Variants in MSANTD2 observed in about 807,000 individuals in gnomAD.
MSANTD2 encodes the protein Myb/SANT DNA binding domain containing 2, also known as myb/SANT-like DNA-binding domain-containing protein 2.
In MSANTD2, 19 loss-of-function variants were observed where a neutral mutation model predicts 52.6. The ratio of observed to expected loss-of-function variants is 0.36; its 90% confidence interval spans 0.25 to 0.53. MSANTD2 has a LOEUF of 0.53. MSANTD2 is among the 20% of genes least tolerant of loss of function. MSANTD2 has a pLI of 0.91. For missense variants in MSANTD2, 558 were observed against 716.3 expected, an observed-to-expected ratio of 0.78 and a Z score of 2.52; for synonymous variants, 291 against 289.7, an observed-to-expected ratio of 1.00 and a Z score of -0.04.
intron 1 of MSANTD2, among the ~76,000 whole-genome samples, chr11:124,785,596 TG>T (rs889507539): frequency 2.6e-5 from 4 of 151,850 alleles, no homozygotes; most frequent in African/African-American, 4.8e-5. Context: ...CACCAGAGAG[TG>T]GGGGGCCCTC....
At chr11:124,772,113 G>C (rs973315530) in intron 3 of MSANTD2, among the ~76,000 whole-genome samples, 1 of 152,194 alleles carries the variant, frequency 6.6e-6, no homozygotes, top group African/African-American at 2.4e-5. Flanking sequence ...GTATGGACCA[G>C]GGAGGACTCT....
intron 1 of MSANTD2, chr11:124,783,610 A>C: frequency 1.8e-6 from 1 of 547,466 alleles, no homozygotes; most frequent in Non-Finnish European, 2.3e-6. Flanking sequence ...ACAGAGTGAG[A>C]CTCTGTCTCA....
chr11:124,767,477 T>G lies in MSANTD2; in HGVS notation c.1379A>C (p.Gln460Pro), dbSNP rs1407794339. 6.2e-7 allele frequency: 1 copy of G among 1,614,208 alleles called. No individual in the cohort carries two copies. Among genetic ancestry groups the G allele is most frequent in the South Asian group, 1.1e-5 (1 of 91,082 alleles). ...GRVDLETLSA[Q>P]ASLQVEIEPT... Reference sequence around the variant, plus strand: ...TTCTATTTCCACCTGTAATGAGGCTTGTGCTGAAAGGGTTTCCAGGTCAAC... The same window carrying G: ...TTCTATTTCCACCTGTAATGAGGCTGGTGCTGAAAGGGTTTCCAGGTCAAC... Residue 460 changes from glutamine to proline, a missense_variant, in exon 4 of 4, where the codon CAA (glutamine) becomes CCA (proline). Gln to Pro is a moderately conservative substitution (Grantham distance 76). Around this residue, in one of 2 missense-constraint regions of MSANTD2, gnomAD observed 408 missense variants for 573.6 expected, o/e 0.71. Coordinates refer to ENST00000374979, the MANE Select transcript of MSANTD2 (RefSeq NM_001308027.2). This position sits in a 1 kb window ranked among gnomAD's most constrained non-coding sequence, Gnocchi z 6.5.
intron 1 of MSANTD2, among the ~76,000 whole-genome samples, chr11:124,785,373 AG>A (rs1945125427): frequency 6.6e-6 from 1 of 152,240 alleles, no homozygotes; most frequent in African/African-American, 2.4e-5. Flanking sequence ...GAGACTGTGC[AG>A]GTATGCTGGG....
intron 1 of MSANTD2, among the ~76,000 whole-genome samples, chr11:124,794,122 T>TA (rs1945419826): frequency 6.6e-6 from 1 of 152,174 alleles, no homozygotes; most frequent in Non-Finnish European, 1.5e-5. Flanking sequence ...CTGAGGTAGA[T>TA]AGAGAATATT....
chr11:124,787,372 C>G (rs1945192812), intron 1 of MSANTD2, among the ~76,000 whole-genome samples: 1 of 152,156 alleles, frequency 6.6e-6, no homozygotes, highest in Non-Finnish European at 1.5e-5. Flanking sequence ...TAAACGAATG[C>G]CAACTTGACT....
Position 124,799,924 on chromosome 11 carries a change from G to A in MSANTD2, c.457C>T (p.Leu153=). 3 of 1,585,668 alleles carry A rather than the reference G, an allele frequency of 1.9e-6. No individual in the cohort carries two copies. Among genetic ancestry groups the A allele is most frequent in the Non-Finnish European group, 2.6e-6 (3 of 1,174,228 alleles). ...PAMYERVSRA[L]AELGYERTPS... ...GTCCGCTCGTAGCCCAGCTCGGCCA[G>A]GGCCCGGGACACGCGCTCGTACATG... Residue 153 remains leucine, a synonymous_variant, in exon 1 of 4, where the codon CTG becomes TTG. Transcript: ENST00000374979.
chr11:124,784,488 C>T (rs907119614), intron 1 of MSANTD2: 1 of 985,108 alleles, frequency 1.0e-6, no homozygotes, highest in Non-Finnish European at 1.2e-6. Context: ...TTAAACCCCC[C>T]CCCCGCCACC....
chr11:124,791,380 C>T (rs78041243), intron 1 of MSANTD2: 11 of 1,363,772 alleles, frequency 8.1e-6, no homozygotes, highest in South Asian at 4.7e-5. Context: ...GGCATCATTA[C>T]GGGCTACATC....
intron 1 of MSANTD2, chr11:124,784,631 T>C: frequency 1.0e-6 from 1 of 985,014 alleles, no homozygotes; most frequent in Admixed American, 6.1e-5. Context: ...AGTAGGCCAC[T>C]TTATTCCTTT....
rs1453426900 is a variant in MSANTD2 at position 124,800,393 on chromosome 11, C to G, written c.-13G>C. The G allele has an allele frequency of 1.4e-6, 2 of 1,478,282 alleles. No homozygotes were observed. The highest frequency in any genetic ancestry group is 1.5e-5 in the African/African-American group (1 of 68,926). 91.6% of individuals were successfully genotyped at this position (1,478,282 alleles called of 1,614,324 possible). A position where few individuals can be genotyped will look rare whatever the true frequency, so the allele number is the denominator to read the frequency against. ...AGGGCGCAGCCATCTTCCAAGCGGCCGCCGCTGCACCGCCCGGAAGTGACG... is the reference window on the plus strand; with the variant it reads ...AGGGCGCAGCCATCTTCCAAGCGGCGGCCGCTGCACCGCCCGGAAGTGACG... On this transcript the variant is annotated 5_prime_UTR_variant, in exon 1 of 4. Transcript: ENST00000374979. The surrounding 1 kb of genome is among the most constrained non-coding windows in gnomAD (Gnocchi z 4.3).
intron 1 of MSANTD2, 80 bp from the exon 2 acceptor site, chr11:124,775,054 T>C: frequency 1.5e-6 from 2 of 1,313,392 alleles, no homozygotes; most frequent in Non-Finnish European, 2.1e-6. Flanking sequence ...TAATTACTAT[T>C]AGACAGACAC....
rs1229301456 is a variant in MSANTD2 at position 124,783,813 on chromosome 11, C to T, written c.511-8839G>A. The T allele has an allele frequency of 7.1e-6, 7 of 985,130 alleles. No individual in the cohort carries two copies. In the East Asian group the frequency reaches 6.8e-4, roughly 96 times the overall value. 61.0% of individuals were successfully genotyped at this position (985,130 alleles called of 1,614,324 possible). On this transcript the variant is annotated intron_variant, in intron 1 of 3. Coordinates refer to ENST00000374979, the MANE Select transcript of MSANTD2 (RefSeq NM_001308027.2). ...GAAGGACAATACTAATTGTTAAAAACAAACATCTTCCATGGCTCAAGGAAC... is the reference window on the plus strand; with the variant it reads ...GAAGGACAATACTAATTGTTAAAAATAAACATCTTCCATGGCTCAAGGAAC...
intron 1 of MSANTD2, among the ~76,000 whole-genome samples, chr11:124,799,668 C>G (rs1331307446): frequency 1.3e-5 from 2 of 152,216 alleles, no homozygotes; most frequent in Non-Finnish European, 2.9e-5. Flanking sequence ...CGCCCAACTT[C>G]AAACTCAGGA....
At chr11:124,789,934 T>C (rs1278742319) in intron 1 of MSANTD2, 3 of 152,246 alleles carry the variant, frequency 2.0e-5, no homozygotes, top group Admixed American at 2.0e-4. Flanking sequence ...AATTAAATAA[T>C]ATCCAATCAT....
At chr11:124,799,813 C>G in intron 1 of MSANTD2, 58 bp downstream of exon 1, 1 of 1,375,028 alleles carries the variant, frequency 7.3e-7, no homozygotes, top group Non-Finnish European at 9.8e-7. Flanking sequence ...CCCCGAGGCC[C>G]GCTTCCCCGC....
intron 1 of MSANTD2, chr11:124,783,626 TA>T: frequency 1.4e-6 from 1 of 713,700 alleles, no homozygotes; most frequent in Non-Finnish European, 1.7e-6. Flanking sequence ...TCTCAAAAAA[TA>T]AAAATAAAAA....
intron 3 of MSANTD2, among the ~76,000 whole-genome samples, chr11:124,768,556 G>T (rs1326334077): frequency 3.9e-5 from 6 of 152,096 alleles, no homozygotes; most frequent in African/African-American, 1.2e-4. Flanking sequence ...TCCAATAATG[G>T]GCTTTGTGTG....
At chr11:124,777,384 C>G (rs951895733) in intron 1 of MSANTD2, among the ~76,000 whole-genome samples, 1 of 152,220 alleles carries the variant, frequency 6.6e-6, no homozygotes, top group Admixed American at 6.5e-5. Flanking sequence ...AACTAACATT[C>G]CTTTCAAGAA....
Sources: allele counts gnomAD v4.1 joint callset (sites outside exome capture counted in the v4.1 genomes callset), GRCh38; gene constraint gnomAD v4.1.1; regional missense constraint gnomAD v4.1.1; non-coding constraint Gnocchi (gnomAD v3.1); transcripts MANE v1.5; gene names NCBI Gene and HGNC (gene_info 2026-07-23, HGNC 2026-07-21).